Variants in EIF4G3 observed in about 807,000 individuals in gnomAD.
The protein encoded by EIF4G3 is eIF-4-gamma 3.
A neutral mutation model predicts 186.4 loss-of-function variants in EIF4G3; 34 were observed. That is an observed-to-expected ratio of 0.18 (90% CI 0.14 to 0.24). The LOEUF (loss-of-function observed/expected upper bound fraction) is 0.24, where lower values mean the gene tolerates loss of function less well. Ranked by LOEUF, EIF4G3 falls within the 10% of genes least tolerant of loss-of-function variation. EIF4G3 has a pLI of 1.00. For missense variants in EIF4G3, 1,536 were observed against 1,948.5 expected, an observed-to-expected ratio of 0.79 and a Z score of 3.99; for synonymous variants, 673 against 679.5, an observed-to-expected ratio of 0.99 and a Z score of 0.15.
At chr1:21,163,527 A>C (rs1460019016) in intron 2 of EIF4G3, among the ~76,000 whole-genome samples, 4 of 152,204 alleles carry the variant, frequency 2.6e-5, no homozygotes, top group Non-Finnish European at 5.9e-5. Context: ...GACATGCATA[A>C]TAATTTAAAA....
At chr1:20,825,982 G>A (rs2063512020) in intron 32 of EIF4G3, among the ~76,000 whole-genome samples, 1 of 152,242 alleles carries the variant, frequency 6.6e-6, no homozygotes, top group African/African-American at 2.4e-5. Flanking sequence ...GCTGTCATCT[G>A]AGAGGTATGT....
intron 2 of EIF4G3, among the ~76,000 whole-genome samples, chr1:21,129,999 A>C (rs1057338810): frequency 6.6e-6 from 1 of 152,144 alleles, no homozygotes; most frequent in East Asian, 1.9e-4. Flanking sequence ...CCTAGCACCT[A>C]GTACCAAGCA....
Position 20,817,032 on chromosome 1 carries a change from T to C in EIF4G3, c.4515+360A>G, listed in dbSNP as rs867198220. On this transcript the variant is annotated intron_variant, in intron 34 of 36. Transcript: ENST00000602326. ...TGCAAGATGTGCTTTGTTAAACAGA[T>C]GCTTGAAGGCAGCATGCTCGTTAAG... Among the ~76,000 whole-genome samples the C allele has an allele frequency of 3.6e-3, 512 of 143,146 alleles. 3 individuals are homozygous for C. Among genetic ancestry groups the C allele is most frequent in the African/African-American group, 0.012 (463 of 38,426 alleles). The allele number at this position is 143,146 out of a possible 152,430, so 93.9% of individuals were successfully genotyped here. A position where few individuals can be genotyped will look rare whatever the true frequency, so the allele number is the denominator to read the frequency against.
At chr1:21,172,143 G>A (rs564408020) in intron 2 of EIF4G3, among the ~76,000 whole-genome samples, 29 of 138,346 alleles carry the variant, frequency 2.1e-4, no homozygotes, top group African/African-American at 5.8e-4. Flanking sequence ...AAAAAAGCCT[G>A]AAACGTGACT....
chr1:21,078,653 C>T (rs1226746523), intron 3 of EIF4G3, among the ~76,000 whole-genome samples: 1 of 152,144 alleles, frequency 6.6e-6, no homozygotes, highest in South Asian at 2.1e-4. Context: ...ATCCTAATTA[C>T]CCAGATTTGA....
At chr1:21,132,302 T>C (rs549243827) in intron 2 of EIF4G3, among the ~76,000 whole-genome samples, 13 of 152,260 alleles carry the variant, frequency 8.5e-5, no homozygotes, top group Middle Eastern at 6.8e-3. Flanking sequence ...CTTGTCCATC[T>C]ATAGCTTGGA....
intron 14 of EIF4G3, among the ~76,000 whole-genome samples, chr1:20,905,244 T>C (rs984865040): frequency 2.6e-5 from 4 of 152,336 alleles, no homozygotes; most frequent in South Asian, 2.1e-4. Context: ...CAACATGTGA[T>C]GAGTACATAC....
chr1:20,862,271 G>A lies in EIF4G3; in HGVS notation c.3068C>T (p.Ser1023Phe), dbSNP rs1310006372. The change falls in exon 23 of 37, where the codon TCT (serine) becomes TTT (phenylalanine). Residue 1023 changes from serine to phenylalanine, a missense_variant. This residue lies in a region of EIF4G3 where 110 missense variants were observed against 166.2 expected (regional missense o/e 0.66). Coordinates refer to ENST00000602326, the MANE Select transcript of EIF4G3 (RefSeq NM_001391906.1). Reference protein sequence around the residue: ...EKIVKERKTSSRIRFMLQDVI... With the variant: ...EKIVKERKTSFRIRFMLQDVI... ...ATCTTGAAGCATGAACCGAATCCTAGATGAGGTTTTTCTTTCTTTCACAAT... is the reference window on the plus strand; with the variant it reads ...ATCTTGAAGCATGAACCGAATCCTAAATGAGGTTTTTCTTTCTTTCACAAT... 1 of 1,612,686 alleles carries A rather than the reference G, an allele frequency of 6.2e-7. No homozygotes were observed. The highest frequency in any genetic ancestry group is 1.7e-5 in the Admixed American group (1 of 59,840).
At chr1:21,085,810 C>T (rs747471814) in intron 3 of EIF4G3, among the ~76,000 whole-genome samples, 5 of 152,134 alleles carry the variant, frequency 3.3e-5, no homozygotes, top group Non-Finnish European at 7.4e-5. Context: ...TCTCCTGCCT[C>T]AGTCTCCCGA....
At chr1:21,009,175 T>C (rs2086212169) in intron 4 of EIF4G3, among the ~76,000 whole-genome samples, 1 of 152,210 alleles carries the variant, frequency 6.6e-6, no homozygotes, top group Non-Finnish European at 1.5e-5. Context: ...AGTGTGTTTA[T>C]TCATTTTTCT....
At chr1:20,944,216 A>G (rs1361848313) in intron 13 of EIF4G3, among the ~76,000 whole-genome samples, 3 of 152,076 alleles carry the variant, frequency 2.0e-5, no homozygotes, top group African/African-American at 7.2e-5. Context: ...ACCTAGATGC[A>G]GTAAATTTAA....
chr1:21,023,790 C>T (rs1431446259), intron 4 of EIF4G3, among the ~76,000 whole-genome samples: 3 of 143,164 alleles, frequency 2.1e-5, no homozygotes, highest in African/African-American at 5.4e-5. Context: ...TCCGCCCGGC[C>T]GCCATCCCAT....
At chr1:21,143,331 G>A (rs2097373239) in intron 2 of EIF4G3, among the ~76,000 whole-genome samples, 1 of 151,404 alleles carries the variant, frequency 6.6e-6, no homozygotes, top group African/African-American at 2.4e-5. Flanking sequence ...GAGAGCAAAG[G>A]AAAGGAAGAA....
Position 20,961,376 on chromosome 1 carries a change from C to T in EIF4G3, c.714+8098G>A, listed in dbSNP as rs540090673. Among the ~76,000 whole-genome samples the T allele has an allele frequency of 5.9e-5, 9 of 151,988 alleles. No individual in the cohort carries two copies. The South Asian group carries it at 8.3e-4, about 14-fold the overall frequency. ...CCAGCCTGGTGACAGAGCAAGACTCCGTCTCAAAAAAATAATAATAATAAT... is the reference window on the plus strand; with the variant it reads ...CCAGCCTGGTGACAGAGCAAGACTCTGTCTCAAAAAAATAATAATAATAAT... On this transcript the variant is annotated intron_variant, in intron 12 of 36. Transcript: ENST00000602326.
At chr1:21,017,565 T>G (rs939765920) in intron 4 of EIF4G3, among the ~76,000 whole-genome samples, 4 of 144,040 alleles carry the variant, frequency 2.8e-5, no homozygotes, top group African/African-American at 1.0e-4. Context: ...GAGGTGGAGC[T>G]TGCAGTGAGC....
intron 15 of EIF4G3, among the ~76,000 whole-genome samples, chr1:20,902,844 T>C (rs992491522): frequency 6.6e-6 from 1 of 152,210 alleles, no homozygotes; most frequent in Non-Finnish European, 1.5e-5. Context: ...TTTCGTCATG[T>C]TGGCCAGGCT....
intron 13 of EIF4G3, among the ~76,000 whole-genome samples, chr1:20,947,299 G>A (rs753041452): frequency 7.3e-5 from 11 of 151,714 alleles, no homozygotes; most frequent in South Asian, 2.1e-4. Flanking sequence ...AGCCATGATC[G>A]TGTCACTGCA....
intron 29 of EIF4G3, among the ~76,000 whole-genome samples, chr1:20,842,279 T>C (rs748304766): frequency 6.6e-6 from 1 of 152,248 alleles, no homozygotes; most frequent in Non-Finnish European, 1.5e-5. Context: ...GTTGTTCAGA[T>C]TCCTTTAATC....
intron 14 of EIF4G3, among the ~76,000 whole-genome samples, chr1:20,917,699 G>A (rs956097367): frequency 3.3e-5 from 5 of 152,070 alleles, no homozygotes; most frequent in Admixed American, 2.0e-4. Context: ...TATAGTTATC[G>A]TTTATATAGA....
Sources: allele counts gnomAD v4.1 joint callset (sites outside exome capture counted in the v4.1 genomes callset), GRCh38; gene constraint gnomAD v4.1.1; regional missense constraint gnomAD v4.1.1; transcripts MANE v1.5; gene names NCBI Gene and HGNC (gene_info 2026-07-23, HGNC 2026-07-21).